Variants in RAD51B observed in about 807,000 individuals in gnomAD.
RAD51B encodes the protein RAD51 paralog B, also known as DNA repair protein RAD51 homolog 2.
A neutral mutation model predicts 42.2 loss-of-function variants in RAD51B; 38 were observed. That is an observed-to-expected ratio of 0.90 (90% confidence interval 0.70 to 1.18). RAD51B has a LOEUF of 1.18. Ranked by LOEUF, RAD51B falls within the 50% of genes most tolerant of loss-of-function variation. The probability of loss-of-function intolerance (pLI) is 0.00; values close to 1 mark genes in which losing one functional copy is unlikely to be tolerated. For synonymous variants in RAD51B, 154 were observed against 145.2 expected, an observed-to-expected ratio of 1.06 and a Z score of -0.43; for missense variants, 373 against 400.7, an observed-to-expected ratio of 0.93 and a Z score of 0.59.
intron 7 of RAD51B, among the ~76,000 whole-genome samples, chr14:68,257,342 T>G (rs2080774208): frequency 6.6e-6 from 1 of 152,090 alleles, no homozygotes; most frequent in South Asian, 2.1e-4. Context: ...TGGTTAAAAT[T>G]ATAAGCATTA....
intron 10 of RAD51B, among the ~76,000 whole-genome samples, chr14:68,504,378 A>T (rs954754300): frequency 6.6e-6 from 1 of 152,216 alleles, no homozygotes; most frequent in African/African-American, 2.4e-5. Context: ...CCATATGCAC[A>T]TTCTTTAATT....
intron 7 of RAD51B, among the ~76,000 whole-genome samples, chr14:68,224,968 G>C (rs1309714452): frequency 6.6e-6 from 1 of 152,172 alleles, no homozygotes; most frequent in Non-Finnish European, 1.5e-5. Flanking sequence ...TGGGATTACA[G>C]ATGTGAGCCA....
At chr14:68,224,287 C>G (rs1407863774) in intron 7 of RAD51B, among the ~76,000 whole-genome samples, 6 of 152,140 alleles carry the variant, frequency 3.9e-5, no homozygotes, top group African/African-American at 7.2e-5. Flanking sequence ...TTTCAAGAAC[C>G]ACTTTGGAAA....
chr14:68,230,340 G>A (rs183847891), intron 7 of RAD51B, among the ~76,000 whole-genome samples: 98 of 152,274 alleles, frequency 6.4e-4, no homozygotes, highest in Non-Finnish European at 1.2e-3. Context: ...GGGAGTAGAG[G>A]AAACAGAAAC....
intron 7 of RAD51B, among the ~76,000 whole-genome samples, chr14:68,080,810 G>T (rs764885148): frequency 6.6e-6 from 1 of 152,166 alleles, no homozygotes; most frequent in Non-Finnish European, 1.5e-5. Context: ...AAACAGTTTA[G>T]TAGTCAATAT....
chr14:68,285,687 G>A (rs895914306), intron 7 of RAD51B, among the ~76,000 whole-genome samples: 3 of 152,340 alleles, frequency 2.0e-5, no homozygotes, highest in Non-Finnish European at 2.9e-5. Context: ...GAGTGGGCGG[G>A]AGGAGGAAGC....
At chr14:68,386,312 C>G (rs750774621) in intron 8 of RAD51B, among the ~76,000 whole-genome samples, 2 of 152,172 alleles carry the variant, frequency 1.3e-5, no homozygotes, top group Non-Finnish European at 2.9e-5. Flanking sequence ...CAGGGCAAAT[C>G]AGAAACAGCT....
At chr14:67,823,682 A>G in intron 2 of RAD51B, 55 bp downstream of exon 2, 2 of 1,273,616 alleles carry the variant, frequency 1.6e-6, no homozygotes, top group Non-Finnish European at 1.1e-6. Context: ...TTAACTTTAT[A>G]CCTTAATACC....
At chr14:68,308,099 G>A (rs544361354) in intron 8 of RAD51B, among the ~76,000 whole-genome samples, 3 of 152,226 alleles carry the variant, frequency 2.0e-5, no homozygotes, top group South Asian at 2.1e-4. Flanking sequence ...AGGAATGTAC[G>A]GTGGATGGTA....
chr14:68,168,735 T>TATATACTTACTTTGAA, intron 7 of RAD51B, among the ~76,000 whole-genome samples: 1 of 152,314 alleles, frequency 6.6e-6, no homozygotes, highest in South Asian at 2.1e-4. Context: ...CACACCCACT[T>TATATACTTACTTTGAA]AAGTGACCTA....
At chr14:67,849,620 A>C (rs1375697077) in intron 4 of RAD51B, among the ~76,000 whole-genome samples, 1 of 152,118 alleles carries the variant, frequency 6.6e-6, no homozygotes, top group Non-Finnish European at 1.5e-5. Context: ...TATATGTGTT[A>C]GTTTGAAATA....
At chr14:68,546,712 G>C (rs938812177) in intron 10 of RAD51B, among the ~76,000 whole-genome samples, 3 of 152,126 alleles carry the variant, frequency 2.0e-5, no homozygotes, top group African/African-American at 7.2e-5. Context: ...GAGGAGCTGG[G>C]GGGAGGAGAC....
At chr14:68,454,661 TA>T (rs1041037394) in intron 9 of RAD51B, among the ~76,000 whole-genome samples, 2 of 152,202 alleles carry the variant, frequency 1.3e-5, no homozygotes, top group South Asian at 4.1e-4. Context: ...AACAGCATGC[TA>T]AAAAGCTCCA....
chr14:68,303,287 C>G (rs563248554), intron 8 of RAD51B, among the ~76,000 whole-genome samples: 1 of 151,964 alleles, frequency 6.6e-6, no homozygotes, highest in Non-Finnish European at 1.5e-5. Context: ...CACATGGACA[C>G]GGGGAGAGAA....
intron 7 of RAD51B, among the ~76,000 whole-genome samples, chr14:67,972,199 C>T (rs539596433): frequency 3.3e-5 from 5 of 151,744 alleles, no homozygotes; most frequent in Non-Finnish European, 7.4e-5. Context: ...AGATAGCAGG[C>T]AGAAGACAGA....
chr14:68,281,005 C>A (rs779751041), intron 7 of RAD51B, among the ~76,000 whole-genome samples: 1 of 150,382 alleles, frequency 6.6e-6, no homozygotes, highest in East Asian at 2.0e-4. Context: ...TGCAGTGAGC[C>A]GTGATTGCAC....
intron 4 of RAD51B, among the ~76,000 whole-genome samples, chr14:67,854,167 C>G (rs1272873514): frequency 6.6e-6 from 1 of 152,154 alleles, no homozygotes; most frequent in Non-Finnish European, 1.5e-5. Context: ...AGTTTTTCTA[C>G]CACACATATA....
intron 7 of RAD51B, among the ~76,000 whole-genome samples, chr14:68,207,814 G>T (rs959854253): frequency 1.3e-5 from 2 of 152,036 alleles, no homozygotes; most frequent in African/African-American, 2.4e-5. Flanking sequence ...GTTACCAAAG[G>T]TTTTTAAATC....
intron 10 of RAD51B, among the ~76,000 whole-genome samples, chr14:68,539,317 C>T (rs1192674631): frequency 1.3e-5 from 2 of 152,156 alleles, no homozygotes; most frequent in African/African-American, 4.8e-5. Flanking sequence ...CCAGCCCCAC[C>T]TCATGGCCCC....
Sources: gnomAD v4.1 joint callset for allele counts (sites outside exome capture counted in the v4.1 genomes callset) on GRCh38, gnomAD v4.1.1 for gene constraint, MANE v1.5 for transcripts, NCBI Gene and HGNC (gene_info 2026-07-23, HGNC 2026-07-21) for gene names.